PAWR: variants seen among roughly 807,000 people sequenced by gnomAD.
The protein encoded by PAWR is PRKC apoptosis WT1 regulator protein.
In PAWR, 23 loss-of-function variants were observed where a neutral mutation model predicts 32.0. The ratio of observed to expected loss-of-function variants is 0.72; its 90% CI spans 0.52 to 1.02. The LOEUF (loss-of-function observed/expected upper bound fraction) is 1.02. Ranked by LOEUF, PAWR falls within the 50% of genes least tolerant of loss-of-function variation. The pLI is 0.00. For missense variants in PAWR, 457 were observed against 437.7 expected (o/e 1.04, Z -0.39); for synonymous variants, 226 against 187.1 (o/e 1.21, Z -1.70).
At chr12:79,604,584 C>G (rs1874094270) in intron 4 of PAWR, 1 of 1,276,192 alleles carries the variant, frequency 7.8e-7, no homozygotes. Context: ...AGGATATATT[C>G]TGAAATTCCC....
intron 4 of PAWR, among the ~76,000 whole-genome samples, chr12:79,603,228 G>A (rs1336857998): frequency 6.6e-6 from 1 of 152,010 alleles, no homozygotes; most frequent in African/African-American, 2.4e-5. Context: ...CTCAGCCTGG[G>A]TGACATGGTG....
intron 2 of PAWR, among the ~76,000 whole-genome samples, chr12:79,662,238 A>G (rs1877388913): frequency 6.6e-6 from 1 of 150,390 alleles, no homozygotes; most frequent in African/African-American, 2.5e-5. Context: ...ACTAATGCTT[A>G]AAAGATCCAG....
intron 4 of PAWR, chr12:79,597,845 G>C (rs1174155219): frequency 6.6e-6 from 1 of 152,138 alleles, no homozygotes; most frequent in Non-Finnish European, 1.5e-5. Context: ...GTTTCCGTTG[G>C]TCAGGAATTT....
intron 4 of PAWR, among the ~76,000 whole-genome samples, chr12:79,605,538 A>G (rs1430840641): frequency 1.3e-5 from 2 of 152,098 alleles, no homozygotes; most frequent in South Asian, 2.1e-4. Context: ...TTAAAAAAAA[A>G]GCCTTCAACT....
chr12:79,601,052 G>C (rs1396209134), intron 4 of PAWR, among the ~76,000 whole-genome samples: 2 of 152,060 alleles, frequency 1.3e-5, no homozygotes, highest in East Asian at 3.9e-4. Flanking sequence ...CACTATGTTA[G>C]AGAAGGTTGA....
intron 2 of PAWR, among the ~76,000 whole-genome samples, chr12:79,684,546 G>A (rs1338076975): frequency 6.6e-6 from 1 of 151,964 alleles, no homozygotes; most frequent in East Asian, 1.9e-4. Context: ...GGGAGGTGGA[G>A]GCTGCAGTGA....
chr12:79,611,191 T>G (rs1305468151), intron 4 of PAWR, among the ~76,000 whole-genome samples: 1 of 146,600 alleles, frequency 6.8e-6, no homozygotes, highest in Non-Finnish European at 1.5e-5. Flanking sequence ...ATATAAATCT[T>G]ATAGATATTT....
chr12:79,648,568 A>T (rs1327751420), intron 2 of PAWR, among the ~76,000 whole-genome samples: 1 of 150,402 alleles, frequency 6.6e-6, no homozygotes, highest in Non-Finnish European at 1.5e-5. Flanking sequence ...GGATCGCTTG[A>T]GCAAAAGAGT....
chr12:79,648,393 G>A, intron 2 of PAWR, among the ~76,000 whole-genome samples: 1 of 152,004 alleles, frequency 6.6e-6, no homozygotes, highest in Non-Finnish European at 1.5e-5. Flanking sequence ...CAAAATTTAA[G>A]TGGCCACATT....
intron 2 of PAWR, among the ~76,000 whole-genome samples, chr12:79,621,842 T>G (rs1249451122): frequency 6.6e-6 from 1 of 152,028 alleles, no homozygotes; most frequent in Non-Finnish European, 1.5e-5. Flanking sequence ...ACACTAGAAA[T>G]TATCTAACTC....
At chr12:79,594,473 T>A (rs1237177966) in intron 5 of PAWR, 40 bp from the exon 6 acceptor site, 2 of 953,022 alleles carry the variant, frequency 2.1e-6, no homozygotes, top group South Asian at 1.5e-5. Context: ...AGGAAGTAAT[T>A]GTTTATTTAT....
chr12:79,606,405 T>C (rs1178289467), intron 4 of PAWR, among the ~76,000 whole-genome samples: 3 of 152,164 alleles, frequency 2.0e-5, no homozygotes, highest in African/African-American at 7.2e-5. Flanking sequence ...AATTTCCAAA[T>C]AAATGCACAA....
intron 4 of PAWR, among the ~76,000 whole-genome samples, chr12:79,610,280 T>C (rs1260847504): frequency 6.6e-6 from 1 of 152,198 alleles, no homozygotes; most frequent in Non-Finnish European, 1.5e-5. Flanking sequence ...TTTTCAGCAT[T>C]TACCTAGCAT....
At chr12:79,673,794 C>CCCATTCA (rs1251773191) in intron 2 of PAWR, among the ~76,000 whole-genome samples, 1 of 152,140 alleles carries the variant, frequency 6.6e-6, no homozygotes, top group African/African-American at 2.4e-5. Context: ...AGAATGTAAT[C>CCCATTCA]CCATTCACAA....
intron 2 of PAWR, among the ~76,000 whole-genome samples, chr12:79,679,427 T>TA (rs1878331033): frequency 6.6e-6 from 1 of 152,032 alleles, no homozygotes; most frequent in Non-Finnish European, 1.5e-5. Flanking sequence ...CAGGCAACCT[T>TA]AGAGAGATGA....
At chr12:79,661,953 C>T (rs1877370518) in intron 2 of PAWR, among the ~76,000 whole-genome samples, 1 of 151,940 alleles carries the variant, frequency 6.6e-6, no homozygotes, top group African/African-American at 2.4e-5. Flanking sequence ...CTAAATGTTG[C>T]CACTTTAATA....
intron 2 of PAWR, among the ~76,000 whole-genome samples, chr12:79,669,097 C>T (rs924681341): frequency 6.6e-6 from 1 of 152,138 alleles, no homozygotes; most frequent in Non-Finnish European, 1.5e-5. Flanking sequence ...CACATTTTGG[C>T]TTGAATGACT....
At chr12:79,637,574 G>T (rs771917090) in intron 2 of PAWR, among the ~76,000 whole-genome samples, 2 of 150,260 alleles carry the variant, frequency 1.3e-5, no homozygotes, top group Non-Finnish European at 3.0e-5. Flanking sequence ...TTGAAATAAG[G>T]TCAAATTATT....
At chr12:79,669,156 G>A (rs1355897273) in intron 2 of PAWR, among the ~76,000 whole-genome samples, 1 of 152,192 alleles carries the variant, frequency 6.6e-6, no homozygotes, top group Non-Finnish European at 1.5e-5. Context: ...ACTGGCATGA[G>A]CTATGCAGAA....
Sources: gnomAD v4.1 joint callset for allele counts (sites outside exome capture counted in the v4.1 genomes callset) on GRCh38, gnomAD v4.1.1 for gene constraint, MANE v1.5 for transcripts, NCBI Gene and HGNC (gene_info 2026-07-23, HGNC 2026-07-21) for gene names.